RBM19: variants seen among roughly 807,000 people sequenced by gnomAD.
The protein encoded by RBM19 is probable RNA-binding protein 19.
RBM19 carries 94 observed loss-of-function variants against 116.8 expected under a neutral mutation model. The ratio of observed to expected loss-of-function variants is 0.80; its 90% CI spans 0.68 to 0.95. The LOEUF is 0.95. RBM19 is among the 40% of genes least tolerant of loss of function. RBM19 has a pLI of 0.00. For synonymous variants in RBM19, 475 were observed against 494.1 expected (o/e 0.96, Z 0.51); for missense variants, 1,161 against 1,220.7 (o/e 0.95, Z 0.73).
chr12:113,840,805 T>G (rs1190606080), intron 23 of RBM19, among the ~76,000 whole-genome samples: 1 of 152,088 alleles, frequency 6.6e-6, no homozygotes, highest in Non-Finnish European at 1.5e-5. Context: ...TATCACTTCC[T>G]CCCCCTGCCC....
At chr12:113,906,356 A>G (rs1246600370) in intron 21 of RBM19, among the ~76,000 whole-genome samples, 1 of 152,266 alleles carries the variant, frequency 6.6e-6, no homozygotes, top group Non-Finnish European at 1.5e-5. Flanking sequence ...GAAGCCAGAC[A>G]CAAATGAGAA....
intron 21 of RBM19, among the ~76,000 whole-genome samples, chr12:113,899,783 A>G (rs1290907954): frequency 6.6e-6 from 1 of 151,104 alleles, no homozygotes; most frequent in Admixed American, 6.6e-5. Flanking sequence ...GAATCCCCCA[A>G]GCTGTCTGGG....
chr12:113,841,987 C>T (rs1264994257), intron 23 of RBM19, among the ~76,000 whole-genome samples: 1 of 152,232 alleles, frequency 6.6e-6, no homozygotes, highest in Admixed American at 6.5e-5. Context: ...CCTCAGTTCT[C>T]TCATCTGTGA....
intron 6 of RBM19, 116 bp downstream of exon 6, chr12:113,957,666 A>T (rs901917737): frequency 2.9e-5 from 41 of 1,402,146 alleles, no homozygotes; most frequent in Non-Finnish European, 3.7e-5. Flanking sequence ...AAGGCTTTGG[A>T]CTGCAGAGCT....
chr12:113,850,991 C>T (rs1047892434), intron 22 of RBM19, among the ~76,000 whole-genome samples: 3 of 152,190 alleles, frequency 2.0e-5, no homozygotes, highest in Admixed American at 1.3e-4. Context: ...GGTGTTTTAA[C>T]GCCATCACCC....
intron 7 of RBM19, 140 bp from the exon 8 acceptor site, chr12:113,952,730 G>T: frequency 1.6e-6 from 1 of 615,068 alleles, no homozygotes; most frequent in Non-Finnish European, 2.8e-6. Flanking sequence ...TATACGTATC[G>T]CTTCTCCAAT....
intron 22 of RBM19, among the ~76,000 whole-genome samples, chr12:113,845,066 G>C (rs11066783): frequency 1.3e-5 from 2 of 152,200 alleles, no homozygotes; most frequent in Non-Finnish European, 2.9e-5. Flanking sequence ...TCTATTTGCC[G>C]TGTGTCATCC....
chr12:113,853,001 A>T (rs1315772867), intron 22 of RBM19, among the ~76,000 whole-genome samples: 1 of 152,122 alleles, frequency 6.6e-6, no homozygotes, highest in Non-Finnish European at 1.5e-5. Flanking sequence ...GGCCTTAATG[A>T]GCTTTGTCCG....
At chr12:113,917,606 C>A (rs772057021) in intron 20 of RBM19, among the ~76,000 whole-genome samples, 2 of 152,220 alleles carry the variant, frequency 1.3e-5, no homozygotes, top group Non-Finnish European at 2.9e-5. Context: ...AAGGTCAATT[C>A]GCTGGAAGCT....
intron 21 of RBM19, among the ~76,000 whole-genome samples, chr12:113,887,561 C>T (rs570363498): frequency 0.039 from 3 of 76 alleles, no homozygotes; most frequent in African/African-American, 0.14. Flanking sequence ...CGCTTAAACC[C>T]GGGAGTGAGG....
At chr12:113,949,588 T>C (rs1018200222) in intron 9 of RBM19, among the ~76,000 whole-genome samples, 2 of 152,240 alleles carry the variant, frequency 1.3e-5, no homozygotes, top group African/African-American at 2.4e-5. Flanking sequence ...AAATCACTTG[T>C]CTTGGCCAGG....
At chr12:113,818,064 A>G (rs1272309700), downstream of RBM19, 1 of 151,854 alleles carries the variant, frequency 6.6e-6, no homozygotes, top group Non-Finnish European at 1.5e-5. Flanking sequence ...CCCAGTCTCT[A>G]TGAAAAATAC....
Position 113,940,099 on chromosome 12 carries a change from G to A in RBM19, c.1799C>T (p.Ala600Val), listed in dbSNP as rs376588204. The A allele has an allele frequency of 4.3e-6, 7 of 1,613,946 alleles. No individual in the cohort carries two copies. Among genetic ancestry groups the A allele is most frequent in the East Asian group, 4.5e-5 (2 of 44,886 alleles). The change falls in exon 15 of 24, where the codon GCG (alanine) becomes GTG (valine). Residue 600 changes from alanine to valine, a missense_variant. Coordinates refer to ENST00000261741, the MANE Select transcript of RBM19 (RefSeq NM_016196.4). ...LVKNLPAGTLAAQLQETFGHF... is the reference protein window; with the variant it reads ...LVKNLPAGTLVAQLQETFGHF... ...GCCGAAGGTCTCCTGCAGCTGGGCC[G>A]CCAGGGTGCCTGCCGGGAGGTTCTT...
chr12:113,893,951 C>T (rs1044081524), intron 21 of RBM19, among the ~76,000 whole-genome samples: 2 of 151,006 alleles, frequency 1.3e-5, no homozygotes, highest in Non-Finnish European at 3.0e-5. Flanking sequence ...GGTGTTGTCT[C>T]GGCACACACA....
chr12:113,858,411 G>A (rs927150873), intron 22 of RBM19, among the ~76,000 whole-genome samples: 10 of 152,268 alleles, frequency 6.6e-5, no homozygotes, highest in Admixed American at 5.2e-4. Flanking sequence ...CTCTCCAAGC[G>A]CCCTGCCCTC....
chr12:113,859,607 G>C (rs925478270), intron 21 of RBM19, among the ~76,000 whole-genome samples: 1 of 151,922 alleles, frequency 6.6e-6, no homozygotes, highest in Non-Finnish European at 1.5e-5. Flanking sequence ...CATCCCCCCC[G>C]GTTCCCTTCT....
intron 22 of RBM19, among the ~76,000 whole-genome samples, chr12:113,847,338 T>A (rs2135722079): frequency 2.6e-5 from 4 of 152,238 alleles, no homozygotes; most frequent in Admixed American, 2.6e-4. Flanking sequence ...ATTTTTTCTT[T>A]CCTTTTTTTT....
At chr12:113,915,359 G>A (rs1021778361) in intron 20 of RBM19, among the ~76,000 whole-genome samples, 9 of 152,154 alleles carry the variant, frequency 5.9e-5, no homozygotes, top group South Asian at 2.1e-4. Context: ...AAGGAGCCCC[G>A]CTAAGGGTGG....
At chr12:113,918,131 A>T (rs77946057) in intron 20 of RBM19, among the ~76,000 whole-genome samples, 1 of 129,250 alleles carries the variant, frequency 7.7e-6, no homozygotes. Context: ...TTTTCTTATT[A>T]AAAAAAAAAA....
Sources: gnomAD v4.1 joint callset for allele counts (sites outside exome capture counted in the v4.1 genomes callset) on GRCh38, gnomAD v4.1.1 for gene constraint, MANE v1.5 for transcripts, NCBI Gene and HGNC (gene_info 2026-07-23, HGNC 2026-07-21) for gene names.